CCBE1: variants seen among roughly 807,000 people sequenced by gnomAD.
CCBE1 encodes collagen and calcium binding EGF domains 1, also known as collagen and calcium-binding EGF domain-containing protein 1.
Under a neutral mutation model 50.0 loss-of-function variants are expected in CCBE1, and 37 were observed. The observed-to-expected ratio is 0.74, with a 90% CI of 0.57 to 0.97. The LOEUF is 0.97. Among genes scored for constraint, CCBE1 ranks in the 50% least tolerant of loss-of-function variants. CCBE1 has a pLI of 0.00. For synonymous variants in CCBE1, 234 were observed against 203.7 expected (o/e 1.15, Z -1.27); for missense variants, 538 against 523.8 (o/e 1.03, Z -0.26).
At chr18:59,622,099 C>T (rs1161671718) in intron 2 of CCBE1, among the ~76,000 whole-genome samples, 1 of 152,238 alleles carries the variant, frequency 6.6e-6, no homozygotes, top group African/African-American at 2.4e-5. Flanking sequence ...ACCTTTTCTG[C>T]ATCTGCTCAC....
At chr18:59,678,240 A>C (rs1343772289) in intron 2 of CCBE1, among the ~76,000 whole-genome samples, 1 of 152,238 alleles carries the variant, frequency 6.6e-6, no homozygotes, top group Non-Finnish European at 1.5e-5. Context: ...AACCAAAAGA[A>C]TAAGCCAGAA....
intron 2 of CCBE1, among the ~76,000 whole-genome samples, chr18:59,679,769 T>C (rs980828431): frequency 1.3e-4 from 20 of 152,220 alleles, no homozygotes; most frequent in Non-Finnish European, 2.9e-5. Context: ...TGACTACATG[T>C]GCCTAAGGTG....
chr18:59,646,901 G>T (rs1213228901), intron 2 of CCBE1, among the ~76,000 whole-genome samples: 1 of 152,142 alleles, frequency 6.6e-6, no homozygotes, highest in Admixed American at 6.5e-5. Flanking sequence ...TTTCCTCCCA[G>T]AAAGCCGTTT....
chr18:59,641,825 C>T (rs1478503785), intron 2 of CCBE1, among the ~76,000 whole-genome samples: 2 of 152,086 alleles, frequency 1.3e-5, no homozygotes, highest in South Asian at 4.2e-4. Context: ...GCATTAAAAT[C>T]GTTGAGGCTC....
intron 2 of CCBE1, among the ~76,000 whole-genome samples, chr18:59,588,066 T>G (rs1434783207): frequency 6.6e-6 from 1 of 152,234 alleles, no homozygotes; most frequent in Non-Finnish European, 1.5e-5. Flanking sequence ...ATCTATAGAT[T>G]GAATAAAATC....
At chr18:59,585,042 C>A (rs569732285) in intron 2 of CCBE1, among the ~76,000 whole-genome samples, 1 of 152,100 alleles carries the variant, frequency 6.6e-6, no homozygotes, top group Non-Finnish European at 1.5e-5. Context: ...GCTTGCAAGA[C>A]GCACCATGGC....
chr18:59,651,677 A>G (rs1403365773), intron 2 of CCBE1, among the ~76,000 whole-genome samples: 1 of 152,204 alleles, frequency 6.6e-6, no homozygotes, highest in Non-Finnish European at 1.5e-5. Flanking sequence ...ACCGTCAGAG[A>G]AAAGGACATG....
At chr18:59,670,987 A>G (rs1391603045) in intron 2 of CCBE1, among the ~76,000 whole-genome samples, 6 of 152,214 alleles carry the variant, frequency 3.9e-5, no homozygotes. Context: ...CCATCGTACA[A>G]GGCATTTTAG....
At chr18:59,502,574 G>T (rs528434527) in intron 2 of CCBE1, among the ~76,000 whole-genome samples, 1 of 152,128 alleles carries the variant, frequency 6.6e-6, no homozygotes, top group Non-Finnish European at 1.5e-5. Context: ...TCTAAACAAA[G>T]GTGAGCCAGA....
At chr18:59,472,160 G>A (rs1912064007) in intron 3 of CCBE1, among the ~76,000 whole-genome samples, 1 of 152,194 alleles carries the variant, frequency 6.6e-6, no homozygotes, top group Non-Finnish European at 1.5e-5. Flanking sequence ...CTTCCTCTGA[G>A]TTCTGAGAAA....
chr18:59,555,592 G>T (rs1294585383), intron 2 of CCBE1, among the ~76,000 whole-genome samples: 1 of 152,196 alleles, frequency 6.6e-6, no homozygotes, highest in African/African-American at 2.4e-5. Flanking sequence ...CTTCAGTGCT[G>T]CTCAGAACGT....
chr18:59,569,242 C>A (rs1250166753), intron 2 of CCBE1, among the ~76,000 whole-genome samples: 1 of 152,216 alleles, frequency 6.6e-6, no homozygotes, highest in African/African-American at 2.4e-5. Context: ...GTATTAAGCA[C>A]TTTATTGTAC....
chr18:59,535,102 A>G (rs576252171), intron 2 of CCBE1, among the ~76,000 whole-genome samples: 2 of 152,156 alleles, frequency 1.3e-5, no homozygotes, highest in East Asian at 1.9e-4. Flanking sequence ...CTGCACTAAA[A>G]TGTCTTTGAT....
In CCBE1 at chr18:59,589,075, C is replaced by T. The variant is rs145827363; in HGVS notation, c.212+107554G>A. Among the ~76,000 whole-genome samples, 316 of 152,326 alleles carry T rather than the reference C, an allele frequency of 2.1e-3. 4 individuals carry two copies. The East Asian group carries it at 0.032, about 15-fold the overall frequency. On this transcript the variant is annotated intron_variant, in intron 2 of 10. Coordinates refer to ENST00000439986, the MANE Select transcript of CCBE1 (RefSeq NM_133459.4). ...TTAGCAATGTAACCACGCATTAAAG[C>T]ACAGCCATGCCCTTCCAGGAAGGTC... is the stretch of plus-strand genomic sequence containing the variant.
At chr18:59,527,174 C>G (rs902427599) in intron 2 of CCBE1, among the ~76,000 whole-genome samples, 1 of 152,210 alleles carries the variant, frequency 6.6e-6, no homozygotes, top group Non-Finnish European at 1.5e-5. Context: ...TTTTATGAAT[C>G]TGAGTGCTCC....
At chr18:59,477,463 G>A (rs765868746) in intron 3 of CCBE1, among the ~76,000 whole-genome samples, 16 of 151,940 alleles carry the variant, frequency 1.1e-4, no homozygotes, top group Non-Finnish European at 2.1e-4. Flanking sequence ...CTATGACCAC[G>A]GGACAAGTTA....
intron 2 of CCBE1, among the ~76,000 whole-genome samples, chr18:59,603,085 G>C (rs1300318087): frequency 6.6e-6 from 1 of 152,198 alleles, no homozygotes; most frequent in Non-Finnish European, 1.5e-5. Flanking sequence ...GTTACACATA[G>C]AGCACTAATA....
intron 2 of CCBE1, among the ~76,000 whole-genome samples, chr18:59,510,983 T>C (rs1598965375): frequency 1.3e-5 from 2 of 152,198 alleles, no homozygotes; most frequent in African/African-American, 4.8e-5. Context: ...CAGTCATTAG[T>C]ACCAGCCCCA....
intron 2 of CCBE1, among the ~76,000 whole-genome samples, chr18:59,633,943 A>T (rs947786631): frequency 6.6e-6 from 1 of 152,072 alleles, no homozygotes; most frequent in Non-Finnish European, 1.5e-5. Flanking sequence ...CCCAAGGTAG[A>T]CATGGCCAAT....
Sources: gnomAD v4.1 joint callset for allele counts (sites outside exome capture counted in the v4.1 genomes callset) on GRCh38, gnomAD v4.1.1 for gene constraint, MANE v1.5 for transcripts, NCBI Gene and HGNC (gene_info 2026-07-23, HGNC 2026-07-21) for gene names.